The following ADGRD1 variants were observed in gnomAD, a reference collection of about 807,000 sequenced individuals.
ADGRD1 encodes the protein adhesion G protein-coupled receptor D1, also known as G-protein coupled receptor 133.
Under a neutral mutation model 113.4 loss-of-function variants are expected in ADGRD1, and 77 were observed. The ratio of observed to expected loss-of-function variants is 0.68; its 90% CI spans 0.57 to 0.82. The LOEUF (loss-of-function observed/expected upper bound fraction) is 0.82. Ranked by LOEUF, ADGRD1 falls within the 40% of genes least tolerant of loss-of-function variation. The pLI is 0.00. For synonymous variants in ADGRD1, 474 were observed against 475.0 expected (o/e 1.00, Z 0.03); for missense variants, 1,036 against 1,139.1 (o/e 0.91, Z 1.30).
In ADGRD1 at chr12:131,116,003, C is replaced by A. The variant is rs542229983; in HGVS notation, c.2042-2382C>A. On this transcript the variant is annotated intron_variant, in intron 18 of 24. Coordinates refer to ENST00000261654, the MANE Select transcript of ADGRD1 (RefSeq NM_198827.5). ...CGAGGTGTCTTCTGGCCCCAAAGCC[C>A]ACGCTCTTCCCACTCACTGTCTTCT... Among the ~76,000 whole-genome samples the A allele has an allele frequency of 2.6e-5, 4 of 152,256 alleles. No individual in the cohort carries two copies. In the South Asian group the frequency reaches 8.3e-4, roughly 32 times the overall value.
chr12:131,120,742 A>G lies in ADGRD1; in HGVS notation c.2109-105A>G, dbSNP rs940899909. ...AATGTTGTATGACTGCCCCAGGTGGACCCTGTAGCTGAGAAAGACATCACC... is the reference window on the plus strand; with the variant it reads ...AATGTTGTATGACTGCCCCAGGTGGGCCCTGTAGCTGAGAAAGACATCACC... On this transcript the variant is annotated intron_variant, in intron 19 of 24. Transcript: ENST00000261654. The G allele has an allele frequency of 5.1e-5, 53 of 1,043,732 alleles. No homozygotes were observed. In the African/African-American group the frequency reaches 8.1e-4, roughly 16 times the overall value. 64.7% of individuals were successfully genotyped at this position (1,043,732 alleles called of 1,614,324 possible).
intron 4 of ADGRD1, chr12:130,976,972 G>A (rs1248343429): frequency 6.6e-6 from 1 of 152,334 alleles, no homozygotes; most frequent in African/African-American, 2.4e-5. Context: ...CCTGCAGTGA[G>A]CCATGATTGC....
intron 12 of ADGRD1, among the ~76,000 whole-genome samples, chr12:131,012,908 C>T (rs143671326): frequency 0.01 from 1,537 of 152,216 alleles, 29 homozygotes; most frequent in African/African-American, 0.034. Flanking sequence ...GCGGGGGGCC[C>T]GGTGACAGCA....
intron 13 of ADGRD1, among the ~76,000 whole-genome samples, chr12:131,031,320 A>C (rs1182775995): frequency 2.0e-5 from 3 of 152,212 alleles, no homozygotes; most frequent in Non-Finnish European, 4.4e-5. Flanking sequence ...GGTGGCCTTC[A>C]TCCCTTTAGG....
intron 12 of ADGRD1, among the ~76,000 whole-genome samples, chr12:131,013,676 G>A (rs1878205325): frequency 6.6e-6 from 1 of 152,164 alleles, no homozygotes; most frequent in African/African-American, 2.4e-5. Context: ...GGGAAGGCAG[G>A]TGCTTTGATC....
intron 13 of ADGRD1, chr12:131,069,975 C>G (rs1202486789): frequency 6.6e-6 from 1 of 152,196 alleles, no homozygotes; most frequent in Non-Finnish European, 1.5e-5. Flanking sequence ...TAACATGGGC[C>G]TGAGAAAATT....
chr12:131,000,570 A>T (rs747792243), intron 9 of ADGRD1, 128 bp downstream of exon 9: 23 of 636,636 alleles, frequency 3.6e-5, no homozygotes, highest in Non-Finnish European at 5.7e-5. Flanking sequence ...GCAAAACCCC[A>T]TCTCTACTAA....
At chr12:131,017,766 G>A (rs956878513) in intron 13 of ADGRD1, among the ~76,000 whole-genome samples, 1 of 133,492 alleles carries the variant, frequency 7.5e-6, no homozygotes, top group Non-Finnish European at 1.6e-5. Context: ...CATACCCAGT[G>A]CTCACACACT....
chr12:131,073,399 G>A (rs1431008521), intron 13 of ADGRD1, among the ~76,000 whole-genome samples: 1 of 152,196 alleles, frequency 6.6e-6, no homozygotes, highest in Non-Finnish European at 1.5e-5. Context: ...TGGAGAAGAG[G>A]GTGGCACAGA....
chr12:131,138,325 T>C, intron 24 of ADGRD1, 96 bp downstream of exon 24: 2 of 994,416 alleles, frequency 2.0e-6, no homozygotes, highest in Non-Finnish European at 3.1e-6. Context: ...CAGAGGTGGC[T>C]TCGGGTGCCC....
chr12:131,082,121 A>G (rs942877796), intron 14 of ADGRD1, among the ~76,000 whole-genome samples: 1 of 152,036 alleles, frequency 6.6e-6, no homozygotes, highest in Admixed American at 6.5e-5. Context: ...CATAGGAAAT[A>G]TATGGTGTTG....
At chr12:130,990,844 T>A (rs918077556) in intron 6 of ADGRD1, 170 bp from the exon 7 acceptor site, 7 of 552,036 alleles carry the variant, frequency 1.3e-5, no homozygotes, top group Non-Finnish European at 3.2e-6. Flanking sequence ...GTCGACTCAG[T>A]CAGCTGATTT....
intron 13 of ADGRD1, among the ~76,000 whole-genome samples, chr12:131,067,281 G>A (rs1053894971): frequency 2.0e-5 from 3 of 152,218 alleles, no homozygotes; most frequent in Non-Finnish European, 4.4e-5. Flanking sequence ...GCTGGAGCTA[G>A]AATGGAGGAC....
chr12:131,101,736 C>T (rs1327116659), intron 15 of ADGRD1, among the ~76,000 whole-genome samples: 3 of 152,120 alleles, frequency 2.0e-5, no homozygotes, highest in African/African-American at 7.2e-5. Context: ...GCTGGACGTT[C>T]GTTTCCAAGA....
intron 13 of ADGRD1, among the ~76,000 whole-genome samples, chr12:131,019,069 C>T (rs1480763220): frequency 6.6e-6 from 1 of 152,216 alleles, no homozygotes; most frequent in Admixed American, 6.5e-5. Context: ...GCACAGACGC[C>T]TCTGCAGGAT....
intron 17 of ADGRD1, among the ~76,000 whole-genome samples, chr12:131,106,794 A>G (rs1418763379): frequency 1.3e-5 from 2 of 152,276 alleles, no homozygotes; most frequent in East Asian, 3.9e-4. Context: ...ACTCGGGAGC[A>G]TCTGAGAAGT....
chr12:131,117,924 T>C (rs1437794194), intron 18 of ADGRD1, among the ~76,000 whole-genome samples: 2 of 152,212 alleles, frequency 1.3e-5, no homozygotes, highest in African/African-American at 4.8e-5. Flanking sequence ...TTGTGCATTG[T>C]AGGGTGTTTA....
intron 19 of ADGRD1, 41 bp from the exon 20 acceptor site, chr12:131,120,806 G>C: frequency 1.2e-6 from 2 of 1,608,314 alleles, no homozygotes; most frequent in Non-Finnish European, 1.7e-6. Context: ...CTGGCAGGTG[G>C]AACGAGGTTG....
At chr12:131,129,422 A>C (rs1950848545) in intron 20 of ADGRD1, among the ~76,000 whole-genome samples, 1 of 112,440 alleles carries the variant, frequency 8.9e-6, no homozygotes, top group Non-Finnish European at 1.8e-5. Context: ...TGTGAGTGAC[A>C]GGCCCGCCCT....
Sources: gnomAD v4.1 joint callset for allele counts (sites outside exome capture counted in the v4.1 genomes callset) on GRCh38, gnomAD v4.1.1 for gene constraint, MANE v1.5 for transcripts, NCBI Gene and HGNC (gene_info 2026-07-23, HGNC 2026-07-21) for gene names.